Variants in EHBP1 observed in about 807,000 individuals in gnomAD.
EHBP1 encodes EH domain-binding protein 1.
Under a neutral mutation model 144.0 loss-of-function variants are expected in EHBP1, and 55 were observed. The observed-to-expected ratio is 0.38, with a 90% CI of 0.31 to 0.48. The LOEUF (loss-of-function observed/expected upper bound fraction) is 0.48. Among genes scored for constraint, EHBP1 ranks in the 20% least tolerant of loss-of-function variants. The probability of loss-of-function intolerance (pLI) is 0.98; values close to 1 mark genes in which losing one functional copy is unlikely to be tolerated. For missense variants in EHBP1, 1,200 were observed against 1,364.2 expected (o/e 0.88, Z 1.90); for synonymous variants, 469 against 472.7 (o/e 0.99, Z 0.10).
chr2:62,767,912 T>C (rs1401205696), intron 4 of EHBP1, among the ~76,000 whole-genome samples: 7 of 150,958 alleles, frequency 4.6e-5, no homozygotes, highest in Non-Finnish European at 8.8e-5. Context: ...AACATCATGC[T>C]CTGGAATTAC....
At chr2:63,034,485 C>T (rs549896006) in intron 19 of EHBP1, among the ~76,000 whole-genome samples, 97 of 152,006 alleles carry the variant, frequency 6.4e-4, no homozygotes, top group African/African-American at 1.7e-3. Flanking sequence ...TAAGATTAAA[C>T]GATTTATGGC....
intron 7 of EHBP1, among the ~76,000 whole-genome samples, chr2:62,855,840 C>T (rs1268546725): frequency 6.6e-6 from 1 of 152,140 alleles, no homozygotes; most frequent in East Asian, 1.9e-4. Context: ...CGTTCCAGGG[C>T]CTCCTGTCTG....
At chr2:62,823,908 C>T (rs2046162002) in intron 5 of EHBP1, among the ~76,000 whole-genome samples, 1 of 152,016 alleles carries the variant, frequency 6.6e-6, no homozygotes, top group African/African-American at 2.4e-5. Context: ...CTCTAGTCTA[C>T]TCATCTGCCC....
At chr2:62,857,259 G>T (rs1202898144) in intron 7 of EHBP1, among the ~76,000 whole-genome samples, 1 of 152,128 alleles carries the variant, frequency 6.6e-6, no homozygotes, top group African/African-American at 2.4e-5. Flanking sequence ...ATAAAATGTG[G>T]TATGCCTGTA....
chr2:62,952,200 T>C (rs1286435747), intron 13 of EHBP1, among the ~76,000 whole-genome samples: 3 of 152,190 alleles, frequency 2.0e-5, no homozygotes, highest in African/African-American at 7.2e-5. Flanking sequence ...AAGGTTTTTA[T>C]TGACACTGGA....
Position 62,985,396 on chromosome 2 carries a change from A to G in EHBP1, c.2609-5320A>G, listed in dbSNP as rs138897869. Among the ~76,000 whole-genome samples, 1,067 of 152,300 alleles carry G rather than the reference A, an allele frequency of 7.0e-3. 10 individuals carry two copies. The highest frequency in any genetic ancestry group is 0.023 in the African/African-American group (969 of 41,568). The stretch of plus-strand genomic sequence containing the variant: ...CATAAGCTTCAGTACTTATATTACT[A>G]CTAATAAGTTATACCTACTTCACAA... On this transcript the variant is annotated intron_variant, in intron 15 of 22. Coordinates refer to ENST00000431489, the MANE Select transcript of EHBP1 (RefSeq NM_001142616.3).
At chr2:62,990,639 G>T in intron 15 of EHBP1, 77 bp from the exon 16 acceptor site, 1 of 1,430,362 alleles carries the variant, frequency 7.0e-7, no homozygotes, top group Non-Finnish European at 9.7e-7. Flanking sequence ...ATACTTTTCT[G>T]AGCTCACATA....
intron 7 of EHBP1, among the ~76,000 whole-genome samples, chr2:62,833,922 G>A (rs1170003246): frequency 6.6e-6 from 1 of 152,162 alleles, no homozygotes; most frequent in Non-Finnish European, 1.5e-5. Flanking sequence ...AACATCAACA[G>A]GAGTTTGGAA....
At chr2:62,756,286 G>A (rs1219262614) in intron 3 of EHBP1, among the ~76,000 whole-genome samples, 1 of 152,064 alleles carries the variant, frequency 6.6e-6, no homozygotes, top group African/African-American at 2.4e-5. Flanking sequence ...GAGGCTACAG[G>A]TTGATTTTCA....
chr2:62,860,695 T>A (rs1182843334), intron 8 of EHBP1, among the ~76,000 whole-genome samples: 1 of 152,186 alleles, frequency 6.6e-6, no homozygotes, highest in Admixed American at 6.5e-5. Flanking sequence ...TATACTGAGT[T>A]CAAAAATATT....
chr2:62,849,698 G>GTTCA (rs759649150), intron 7 of EHBP1, among the ~76,000 whole-genome samples: 2 of 152,102 alleles, frequency 1.3e-5, no homozygotes, highest in East Asian at 1.9e-4. Context: ...GACTCATTCG[G>GTTCA]TTCATTCATT....
At chr2:62,760,222 A>G (rs1250567906) in intron 3 of EHBP1, among the ~76,000 whole-genome samples, 1 of 152,194 alleles carries the variant, frequency 6.6e-6, no homozygotes, top group Non-Finnish European at 1.5e-5. Context: ...GTAAATAATA[A>G]TTAGCTAAAC....
At chr2:62,735,839 T>C (rs1164432564) in intron 2 of EHBP1, among the ~76,000 whole-genome samples, 1 of 152,212 alleles carries the variant, frequency 6.6e-6, no homozygotes, top group Non-Finnish European at 1.5e-5. Context: ...CTAAAGATTT[T>C]ACTCCACTCT....
At chr2:62,847,915 G>A (rs1290406666) in intron 7 of EHBP1, among the ~76,000 whole-genome samples, 1 of 151,838 alleles carries the variant, frequency 6.6e-6, no homozygotes, top group African/African-American at 2.4e-5. Flanking sequence ...TTTTAATCAG[G>A]GAGATGCAAA....
intron 3 of EHBP1, among the ~76,000 whole-genome samples, chr2:62,759,481 C>T (rs2040584791): frequency 6.6e-6 from 1 of 152,154 alleles, no homozygotes; most frequent in South Asian, 2.1e-4. Flanking sequence ...TCTTGGCTCA[C>T]TGTAGCCTCC....
chr2:63,023,738 T>G (rs2060855846), intron 19 of EHBP1, among the ~76,000 whole-genome samples: 1 of 152,320 alleles, frequency 6.6e-6, no homozygotes, highest in East Asian at 1.9e-4. Context: ...ACTTCTGAAC[T>G]GGAACCTGAC....
chr2:62,881,778 T>TA (rs1319731525), intron 10 of EHBP1: 12 of 152,186 alleles, frequency 7.9e-5, no homozygotes, highest in Non-Finnish European at 1.6e-4. Flanking sequence ...TTGTAAATAA[T>TA]ATGGTGTCTT....
intron 5 of EHBP1, among the ~76,000 whole-genome samples, chr2:62,824,342 CAG>C (rs762591279): frequency 7.2e-5 from 11 of 151,884 alleles, no homozygotes; most frequent in Non-Finnish European, 1.6e-4. Flanking sequence ...GCTTTCAAAA[CAG>C]AGGCTTTAAA....
In EHBP1 at chr2:62,827,959, G is replaced by A. The variant is rs985233560; in HGVS notation, c.494+1691G>A. Among the ~76,000 whole-genome samples, 14 of 152,248 alleles carry A rather than the reference G, an allele frequency of 9.2e-5. No homozygotes were observed. In the South Asian group the frequency reaches 2.3e-3, roughly 25 times the overall value. On this transcript the variant is annotated intron_variant, in intron 6 of 22. Coordinates refer to ENST00000431489, the MANE Select transcript of EHBP1 (RefSeq NM_001142616.3). ...GCTGGGATTACAGGTGTGAGCCACC[G>A]CGCCCAGCCAGCAAGTTAATATTTT...
Sources: gnomAD v4.1 joint callset for allele counts (sites outside exome capture counted in the v4.1 genomes callset) on GRCh38, gnomAD v4.1.1 for gene constraint, MANE v1.5 for transcripts, NCBI Gene and HGNC (gene_info 2026-07-23, HGNC 2026-07-21) for gene names.